Variants in PRELID2 observed in about 807,000 individuals in gnomAD.
PRELID2 encodes the protein PRELI domain-containing protein 2.
In PRELID2, 25 loss-of-function variants were observed where a neutral mutation model predicts 28.4. That is an observed-to-expected ratio of 0.88 (90% CI 0.64 to 1.23). The LOEUF (loss-of-function observed/expected upper bound fraction) is 1.23. Among genes scored for constraint, PRELID2 ranks in the 50% most tolerant of loss-of-function variants. The pLI is 0.00. For synonymous variants in PRELID2, 76 were observed against 71.6 expected (o/e 1.06, Z -0.31); for missense variants, 201 against 214.4 (o/e 0.94, Z 0.39).
At chr5:145,447,082 T>TAAAA in the PRELID2 span, among the ~76,000 whole-genome samples, 14 of 150,586 alleles carry the variant, frequency 9.3e-5, no homozygotes, top group African/African-American at 3.4e-4. Flanking sequence ...AATAAATAAA[T>TAAAA]AAAAATTTAA....
chr5:145,480,431 G>A (rs190568773), intron 1 of PRELID2, among the ~76,000 whole-genome samples: 11 of 152,114 alleles, frequency 7.2e-5, no homozygotes, highest in Non-Finnish European at 1.5e-4. Flanking sequence ...TATTAACCAC[G>A]TGCAAAATTT....
chr5:145,460,731 C>T, the PRELID2 span, among the ~76,000 whole-genome samples: 1 of 152,170 alleles, frequency 6.6e-6, no homozygotes, highest in African/African-American at 2.4e-5. Flanking sequence ...CACACAGTCA[C>T]ATAGAAGTAT....
At chr5:145,588,119 C>T (rs1753178746) in intron 1 of PRELID2, among the ~76,000 whole-genome samples, 1 of 152,168 alleles carries the variant, frequency 6.6e-6, no homozygotes, top group Non-Finnish European at 1.5e-5. Flanking sequence ...TAGAACTACT[C>T]CCCTAACGAA....
intron 5 of PRELID2, among the ~76,000 whole-genome samples, chr5:145,775,924 G>GA (rs1380835915): frequency 9.4e-5 from 14 of 148,412 alleles, no homozygotes; most frequent in South Asian, 2.1e-4. Context: ...AGAGTAATCA[G>GA]AAAAAAAAAG....
the PRELID2 span, among the ~76,000 whole-genome samples, chr5:145,376,042 C>T: frequency 0.018 from 2,735 of 152,258 alleles, 40 homozygotes; most frequent in Middle Eastern, 0.089. Flanking sequence ...TTGTCACAGA[C>T]GGCTCTTATT....
the PRELID2 span, among the ~76,000 whole-genome samples, chr5:145,401,070 A>G: frequency 4.6e-5 from 7 of 152,122 alleles, no homozygotes; most frequent in Admixed American, 4.6e-4. Flanking sequence ...CTTCTTAGTT[A>G]TCCATCCCCA....
the PRELID2 span, among the ~76,000 whole-genome samples, chr5:145,404,638 C>T: frequency 1.3e-5 from 2 of 152,238 alleles, no homozygotes; most frequent in South Asian, 2.1e-4. Context: ...TTAAACCTCT[C>T]CTCATCTGTA....
chr5:145,733,572 T>G lies in PRELID2; in HGVS notation n.70+31359A>C, dbSNP rs550282184. On this transcript the variant is annotated intron_variant and non_coding_transcript_variant, in intron 1 of 2. Coordinates refer to the PRELID2 transcript ENST00000510259. ...TGTTTCTCTAGATGAAGCAAGAACA[T>G]TAACATATTTCTGAAGCAATCTGAG... Among the ~76,000 whole-genome samples, 235 of 152,184 alleles carry G rather than the reference T, an allele frequency of 1.5e-3. 1 individual carries two copies. Among genetic ancestry groups the G allele is most frequent in the Non-Finnish European group, 3.0e-3 (202 of 68,018 alleles).
At chr5:145,751,129 G>A (rs1263573093) in intron 1 of PRELID2, among the ~76,000 whole-genome samples, 1 of 152,148 alleles carries the variant, frequency 6.6e-6, no homozygotes, top group Non-Finnish European at 1.5e-5. Context: ...AAATCATCTA[G>A]AATTTAATGT....
intron 1 of PRELID2, among the ~76,000 whole-genome samples, chr5:145,559,215 C>T (rs528334543): frequency 6.6e-5 from 10 of 151,104 alleles, no homozygotes; most frequent in African/African-American, 2.4e-4. Flanking sequence ...AGATTCCGCA[C>T]TGCACTCCAG....
intron 1 of PRELID2, among the ~76,000 whole-genome samples, chr5:145,511,553 G>A (rs1276994042): frequency 6.6e-6 from 1 of 152,184 alleles, no homozygotes; most frequent in Non-Finnish European, 1.5e-5. Flanking sequence ...ACAGTATGAT[G>A]AGAGATAGGC....
chr5:145,602,630 T>C (rs1044383036), intron 1 of PRELID2, among the ~76,000 whole-genome samples: 21 of 152,024 alleles, frequency 1.4e-4, no homozygotes, highest in African/African-American at 5.1e-4. Context: ...AAAGTTGCCA[T>C]ACTAGAAACT....
the PRELID2 span, among the ~76,000 whole-genome samples, chr5:145,334,779 T>G: frequency 1.3e-5 from 2 of 151,898 alleles, no homozygotes; most frequent in Admixed American, 6.6e-5. Context: ...CAGTTTTTTT[T>G]TTTTTTTTTC....
At chr5:145,472,457 C>G (rs1752063619) in intron 2 of PRELID2, among the ~76,000 whole-genome samples, 1 of 152,076 alleles carries the variant, frequency 6.6e-6, no homozygotes, top group African/African-American at 2.4e-5. Context: ...GGACTGAAAC[C>G]CAGCCTTCTG....
At chr5:145,298,729 G>A in the PRELID2 span, among the ~76,000 whole-genome samples, 2 of 152,146 alleles carry the variant, frequency 1.3e-5, no homozygotes, top group African/African-American at 2.4e-5. Flanking sequence ...GCCAATAAAT[G>A]TATGTTCATT....
At chr5:145,295,818 C>T in the PRELID2 span, among the ~76,000 whole-genome samples, 1 of 151,746 alleles carries the variant, frequency 6.6e-6, no homozygotes, top group African/African-American at 2.4e-5. Flanking sequence ...CATTAATAAA[C>T]AAAACAAGTA....
chr5:145,507,968 T>C (rs547298025), intron 1 of PRELID2, among the ~76,000 whole-genome samples: 60 of 152,302 alleles, frequency 3.9e-4, no homozygotes, highest in Admixed American at 1.5e-3. Context: ...CACCCTAATG[T>C]TAGTTCTCCT....
the PRELID2 span, among the ~76,000 whole-genome samples, chr5:145,326,570 T>C: frequency 5.3e-5 from 8 of 152,318 alleles, 1 homozygote; most frequent in African/African-American, 1.9e-4. Context: ...CAATGTGGTA[T>C]TGGAGTAGGT....
At chr5:145,515,843 A>C (rs946807472) in intron 1 of PRELID2, among the ~76,000 whole-genome samples, 4 of 152,206 alleles carry the variant, frequency 2.6e-5, no homozygotes, top group Non-Finnish European at 2.9e-5. Context: ...AGCATACCTA[A>C]AACAATAAAC....
Sources: allele counts gnomAD v4.1 joint callset (sites outside exome capture counted in the v4.1 genomes callset), GRCh38; gene constraint gnomAD v4.1.1; transcripts MANE v1.5; gene names NCBI Gene and HGNC (gene_info 2026-07-23, HGNC 2026-07-21).